TMPRSS11A: variants seen among roughly 807,000 people sequenced by gnomAD.
The protein encoded by TMPRSS11A is transmembrane protease serine 11A.
A neutral mutation model predicts 58.9 loss-of-function variants in TMPRSS11A; 53 were observed. That is an observed-to-expected ratio of 0.90 (90% CI 0.72 to 1.13). The LOEUF is 1.13. TMPRSS11A is among the 50% of genes most tolerant of loss of function. TMPRSS11A has a pLI of 0.00. For missense variants in TMPRSS11A, 493 were observed against 499.3 expected, an observed-to-expected ratio of 0.99 and a Z score of 0.12; for synonymous variants, 167 against 169.8, an observed-to-expected ratio of 0.98 and a Z score of 0.13.
chr4:67,934,893 G>A (rs1038690193), intron 3 of TMPRSS11A, among the ~76,000 whole-genome samples: 8 of 152,016 alleles, frequency 5.3e-5, no homozygotes, highest in African/African-American at 1.9e-4. Flanking sequence ...GGCTAACACT[G>A]TAAACCTCAG....
chr4:67,943,672 G>T (rs896536195), intron 3 of TMPRSS11A, among the ~76,000 whole-genome samples: 1 of 140,560 alleles, frequency 7.1e-6, no homozygotes, highest in Non-Finnish European at 1.6e-5. Context: ...TTAAGAAATT[G>T]TGAATGATTT....
In TMPRSS11A at chr4:67,922,821, A is replaced by T; in HGVS notation, c.626T>A (p.Ile209Asn). The change falls in exon 7 of 10, where the codon ATC (isoleucine) becomes AAC (asparagine). Residue 209 changes from isoleucine (I) to asparagine (N), a missense_variant. By Grantham distance (149) the Ile-to-Asn change is moderately radical. Transcript: ENST00000508048. ...PWQASLQYDNIHQCGATLISN... is the reference protein window; with the variant it reads ...PWQASLQYDNNHQCGATLISN... Reference sequence around the variant, plus strand: ...AATCAAGGTGGCCCCACACTGATGGATGTTATCATACTGAAGGGAAGCTTG... The same window carrying T: ...AATCAAGGTGGCCCCACACTGATGGTTGTTATCATACTGAAGGGAAGCTTG... The T allele has an allele frequency of 1.2e-6, 2 of 1,614,116 alleles. No homozygotes were observed. Among genetic ancestry groups the T allele is most frequent in the South Asian group, 1.1e-5 (1 of 91,076 alleles).
intron 5 of TMPRSS11A, among the ~76,000 whole-genome samples, chr4:67,925,081 T>C (rs1720431154): frequency 6.6e-6 from 1 of 152,028 alleles, no homozygotes; most frequent in Middle Eastern, 3.4e-3. Context: ...AATAGTAAAA[T>C]TGCTTTTTTA....
chr4:67,911,221 G>A lies in TMPRSS11A; in HGVS notation c.*121C>T, dbSNP rs1342707409. 1 of 859,736 alleles carries A rather than the reference G, an allele frequency of 1.2e-6. No individual in the cohort carries two copies. The allele number at this position is 859,736 out of a possible 1,614,324, so 53.3% of individuals were successfully genotyped here. A position where few individuals can be genotyped will look rare whatever the true frequency, so the allele number is the denominator to read the frequency against. ...TGATTCTAAATAACTTACGTTGTGT[G>A]TTTCATGTTACTAGATCCAGTAATT... On this transcript the variant is annotated 3_prime_UTR_variant, in exon 10 of 10. Transcript: ENST00000508048.
intron 6 of TMPRSS11A, among the ~76,000 whole-genome samples, chr4:67,923,698 G>T (rs1720392365): frequency 6.6e-6 from 1 of 152,010 alleles, no homozygotes; most frequent in African/African-American, 2.4e-5. Flanking sequence ...ATAGAGATGG[G>T]TTTTCTTCTC....
intron 3 of TMPRSS11A, among the ~76,000 whole-genome samples, chr4:67,935,981 T>C (rs565031401): frequency 6.6e-6 from 1 of 152,170 alleles, no homozygotes; most frequent in South Asian, 2.1e-4. Context: ...TTGAGCTCAT[T>C]TGCTTTCAAA....
chr4:67,914,474 T>G (rs181322757), intron 9 of TMPRSS11A, 114 bp downstream of exon 9: 270 of 972,170 alleles, frequency 2.8e-4, no homozygotes, highest in Non-Finnish European at 3.6e-4. Flanking sequence ...CATTTGTAAC[T>G]TTTTTGAGCT....
Position 67,922,847 on chromosome 4 carries a change from C to T in TMPRSS11A, c.600G>A (p.Trp200Ter). ...GVIAPKAAWPWQASLQYDNIH... is the reference protein window; with the variant it reads ...GVIAPKAAWP ...TGTTATCATACTGAAGGGAAGCTTG[C>T]CAAGGCCAGGCCGCCTTGGGTGCAA... The change falls in exon 7 of 10, where the codon TGG becomes TGA. Residue 200 changes from tryptophan to a stop codon, truncating the protein, a stop_gained. Transcript: ENST00000508048. LOFTEE classifies it high-confidence loss of function. The T allele has an allele frequency of 1.2e-6, 2 of 1,614,136 alleles. No homozygotes were observed. Among genetic ancestry groups the T allele is most frequent in the Non-Finnish European group, 1.7e-6 (2 of 1,180,022 alleles).
chr4:67,934,920 A>G (rs1720715803), intron 3 of TMPRSS11A, among the ~76,000 whole-genome samples: 1 of 152,164 alleles, frequency 6.6e-6, no homozygotes, highest in Admixed American at 6.6e-5. Flanking sequence ...ATGTCACTGC[A>G]GACTGGCATA....
chr4:67,939,282 C>A (rs1477810333), intron 3 of TMPRSS11A, among the ~76,000 whole-genome samples: 1 of 152,112 alleles, frequency 6.6e-6, no homozygotes, highest in Admixed American at 6.5e-5. Flanking sequence ...TGAAACTTTA[C>A]TGAAGTTGTT....
At chr4:67,945,970 C>A (rs1006086785) in intron 2 of TMPRSS11A, among the ~76,000 whole-genome samples, 5 of 152,064 alleles carry the variant, frequency 3.3e-5, no homozygotes, top group African/African-American at 4.8e-5. Context: ...GGTTTTCAAT[C>A]ATTTTGAAAT....
intron 5 of TMPRSS11A, among the ~76,000 whole-genome samples, chr4:67,926,538 T>G (rs1720471545): frequency 6.6e-6 from 1 of 152,316 alleles, no homozygotes; most frequent in African/African-American, 2.4e-5. Flanking sequence ...CCCACATCCC[T>G]GAGGCAGCCG....
rs1433630878 is a variant in TMPRSS11A, at chr4:67,918,967, A to G, written c.952+6T>C. On this transcript the variant is annotated splice_donor_region_variant and intron_variant, in intron 8 of 9. Coordinates refer to ENST00000508048, the MANE Select transcript of TMPRSS11A (RefSeq NM_001114387.2). ...AGCGCTCTGTTAGCTATCCTGAGATACCCACCACCATAGTAAAGTGCTCCA... is the reference window on the plus strand; with the variant it reads ...AGCGCTCTGTTAGCTATCCTGAGATGCCCACCACCATAGTAAAGTGCTCCA... The G allele has an allele frequency of 5.0e-6, 8 of 1,613,906 alleles. No homozygotes were observed. The highest frequency in any genetic ancestry group is 5.9e-6 in the Non-Finnish European group (7 of 1,179,924).
chr4:67,937,354 A>G (rs1720777725), intron 3 of TMPRSS11A, among the ~76,000 whole-genome samples: 1 of 152,166 alleles, frequency 6.6e-6, no homozygotes, highest in African/African-American at 2.4e-5. Flanking sequence ...AAAAACTGAT[A>G]CAGGGAAATG....
At chr4:67,937,386 A>G (rs1253265249) in intron 3 of TMPRSS11A, among the ~76,000 whole-genome samples, 1 of 152,200 alleles carries the variant, frequency 6.6e-6, no homozygotes, top group Non-Finnish European at 1.5e-5. Flanking sequence ...ATTTTTCTCT[A>G]ATAAGTATAC....
At chr4:67,960,463 T>C (rs553840948) in intron 1 of TMPRSS11A, among the ~76,000 whole-genome samples, 1 of 152,334 alleles carries the variant, frequency 6.6e-6, no homozygotes, top group Non-Finnish European at 1.5e-5. Context: ...TTTCTTCACC[T>C]ATAAAATGGA....
intron 3 of TMPRSS11A, among the ~76,000 whole-genome samples, chr4:67,940,902 C>T (rs1301825288): frequency 6.6e-6 from 1 of 152,186 alleles, no homozygotes; most frequent in African/African-American, 2.4e-5. Context: ...GCAGCTTATT[C>T]AGCATAAATT....
chr4:67,928,665 T>G (rs1459652056), intron 5 of TMPRSS11A, among the ~76,000 whole-genome samples: 1 of 152,256 alleles, frequency 6.6e-6, no homozygotes. Context: ...CCCTTCTGGC[T>G]GGGAGAGGTC....
At chr4:67,914,107 A>G (rs1223656808) in intron 9 of TMPRSS11A, among the ~76,000 whole-genome samples, 1 of 152,130 alleles carries the variant, frequency 6.6e-6, no homozygotes, top group Non-Finnish European at 1.5e-5. Flanking sequence ...TCACACCTTC[A>G]TAATTTTGGC....
Sources: gnomAD v4.1 joint callset for allele counts (sites outside exome capture counted in the v4.1 genomes callset) on GRCh38, gnomAD v4.1.1 for gene constraint, MANE v1.5 for transcripts, NCBI Gene and HGNC (gene_info 2026-07-23, HGNC 2026-07-21) for gene names.